Variants in BLM observed in about 807,000 individuals in gnomAD.
BLM encodes the protein BLM RecQ like helicase, also known as recQ-like DNA helicase BLM.
In BLM, 95 loss-of-function variants were observed where a neutral mutation model predicts 135.3. The observed-to-expected ratio is 0.70, with a 90% CI of 0.59 to 0.83. The LOEUF is 0.83. Ranked by LOEUF, BLM falls within the 40% of genes least tolerant of loss-of-function variation. BLM has a pLI of 0.00. For missense variants in BLM, 1,518 were observed against 1,663.9 expected (o/e 0.91, Z 1.53); for synonymous variants, 520 against 589.2 (o/e 0.88, Z 1.70).
chr15:90,786,943 G>A (rs1215567252), intron 14 of BLM, among the ~76,000 whole-genome samples: 1 of 146,888 alleles, frequency 6.8e-6, no homozygotes, highest in African/African-American at 2.5e-5. Context: ...CATTTCCCTA[G>A]TAACTAACAA....
intron 1 of BLM, among the ~76,000 whole-genome samples, chr15:90,727,277 G>A (rs1894943856): frequency 6.6e-6 from 1 of 152,022 alleles, no homozygotes; most frequent in Admixed American, 6.6e-5. Context: ...GCCTCCTAAA[G>A]TGCTAGGATT....
intron 12 of BLM, among the ~76,000 whole-genome samples, chr15:90,776,821 T>A (rs1255164224): frequency 1.3e-5 from 2 of 151,848 alleles, no homozygotes; most frequent in East Asian, 3.9e-4. Flanking sequence ...ATTACAGGCG[T>A]GAGCCACCAT....
intron 12 of BLM, 79 bp from the exon 13 acceptor site, chr15:90,782,739 AGGGG>A (rs1896647598): frequency 9.5e-7 from 1 of 1,054,062 alleles, no homozygotes; most frequent in East Asian, 2.5e-5. Context: ...TTAGGATTTT[AGGGG>A]GGACACATGT....
At chr15:90,758,346 G>A (rs987145736) in intron 5 of BLM, among the ~76,000 whole-genome samples, 1 of 152,166 alleles carries the variant, frequency 6.6e-6, no homozygotes, top group Non-Finnish European at 1.5e-5. Context: ...AAAAAGCCGA[G>A]CGTGGTAGCG....
At chr15:90,786,855 C>T (rs1171085191) in intron 14 of BLM, among the ~76,000 whole-genome samples, 8 of 151,836 alleles carry the variant, frequency 5.3e-5, no homozygotes, top group African/African-American at 2.4e-5. Flanking sequence ...CCTCATGATC[C>T]GCCCACCTCA....
At chr15:90,813,439 G>T (rs1211537059) in intron 21 of BLM, among the ~76,000 whole-genome samples, 3 of 152,158 alleles carry the variant, frequency 2.0e-5, no homozygotes, top group Admixed American at 2.0e-4. Flanking sequence ...TGTCACCCAG[G>T]CTGGAGTGCA....
chr15:90,759,754 G>T (rs542037645), intron 5 of BLM, among the ~76,000 whole-genome samples: 1 of 151,606 alleles, frequency 6.6e-6, no homozygotes, highest in African/African-American at 2.4e-5. Context: ...TTACAGACAC[G>T]CACCACCATG....
intron 8 of BLM, among the ~76,000 whole-genome samples, chr15:90,764,535 G>C (rs1321322914): frequency 6.6e-6 from 1 of 151,778 alleles, no homozygotes; most frequent in African/African-American, 2.4e-5. Flanking sequence ...TTTTTGTAGA[G>C]ATGGGATCTC....
rs772671554 is a variant in BLM, at chr15:90,790,839, T to G, written c.3014T>G (p.Ile1005Arg). 1.2e-6 allele frequency: 2 copies of G among 1,613,438 alleles called. No homozygotes were observed. The highest frequency in any genetic ancestry group is 2.2e-5 in the South Asian group (2 of 91,066). Residue 1005 changes from isoleucine (I) to arginine (R), a missense_variant, in exon 15 of 22, where the codon ATA becomes AGA. Physicochemically the swap from Ile to Arg is moderately conservative, Grantham distance 97 (BLOSUM62 -3). Around this residue, in one of 5 missense-constraint regions of BLM, gnomAD observed 626 missense variants for 681.1 expected, o/e 0.92. Coordinates refer to ENST00000355112, the MANE Select transcript of BLM (RefSeq NM_000057.4). ...GATGTGACCAGACTGAAAAGACTTA[T>G]AATGAGTAAGCTGGGCTCCATTGTA... Reference protein sequence around the residue: ...YHDVTRLKRLIMMEKDGNHHT... With the variant: ...YHDVTRLKRLRMMEKDGNHHT...
intron 1 of BLM, among the ~76,000 whole-genome samples, chr15:90,745,828 C>T (rs561686060): frequency 1.3e-5 from 2 of 152,302 alleles, no homozygotes; most frequent in African/African-American, 4.8e-5. Flanking sequence ...GTAATCCTAG[C>T]ACTTTGGCAG....
Position 90,765,577 on chromosome 15 carries a change from A to G in BLM, c.2193+163A>G, listed in dbSNP as rs369013495. Among the ~76,000 whole-genome samples the G allele has an allele frequency of 5.9e-5, 9 of 152,246 alleles. No homozygotes were observed. The East Asian group carries it at 1.5e-3, about 26-fold the overall frequency. On this transcript the variant is annotated intron_variant, in intron 9 of 21. Coordinates refer to ENST00000355112, the MANE Select transcript of BLM (RefSeq NM_000057.4). ...TGAAAATTTGATACAGATAACCTCT[A>G]GTTCAATCTGTTTTTATTCTACAAG...
intron 1 of BLM, among the ~76,000 whole-genome samples, chr15:90,726,683 A>T (rs1233749766): frequency 1.3e-5 from 2 of 152,228 alleles, no homozygotes; most frequent in African/African-American, 4.8e-5. Context: ...GAGTGAGAAC[A>T]TATGGTGTTT....
At chr15:90,731,165 C>G (rs1451790766) in intron 1 of BLM, among the ~76,000 whole-genome samples, 1 of 152,102 alleles carries the variant, frequency 6.6e-6, no homozygotes, top group Non-Finnish European at 1.5e-5. Context: ...GGTCTCAATC[C>G]TGGGCTCAAG....
rs1456886117 is a variant in BLM at position 90,801,793 on chromosome 15, T to C, written c.3359-1728T>C. Among the ~76,000 whole-genome samples, 5 of 152,172 alleles carry C rather than the reference T, an allele frequency of 3.3e-5. No homozygotes were observed. In the East Asian group the frequency reaches 9.6e-4, roughly 29 times the overall value. On this transcript the variant is annotated intron_variant, in intron 17 of 21. Coordinates refer to ENST00000355112, the MANE Select transcript of BLM (RefSeq NM_000057.4). ...CTTTCTGTCTGGGTACAGTGGCCCA[T>C]GTCTGTAATTCCAGCACTTTGGGAG...
In BLM at chr15:90,749,898, A is replaced by C; in HGVS notation, c.630A>C (p.Pro210=). 6.2e-7 allele frequency: 1 copy of C among 1,612,568 alleles called. No individual in the cohort carries two copies. Among genetic ancestry groups the C allele is most frequent in the Non-Finnish European group, 8.5e-7 (1 of 1,178,740 alleles). ...ACACAGTAAAGACTGATTTGCCTCCACCCTCCTCTGAAAGCGAGCAAATAG... is the reference window on the plus strand; with the variant it reads ...ACACAGTAAAGACTGATTTGCCTCCCCCCTCCTCTGAAAGCGAGCAAATAG... ...TTNTVKTDLP[P]PSSESEQIDL... Residue 210 remains proline, a synonymous_variant, in exon 3 of 22, where the codon CCA becomes CCC. Coordinates refer to ENST00000355112, the MANE Select transcript of BLM (RefSeq NM_000057.4).
In BLM at chr15:90,733,111, A is replaced by AGAT. The variant is rs905821619; in HGVS notation, c.-4-14276_-4-14274dup. Among the ~76,000 whole-genome samples the AGAT allele has an allele frequency of 1.9e-4, 29 of 152,182 alleles. 1 individual carries two copies. The highest frequency in any genetic ancestry group is 6.5e-4 in the African/African-American group (27 of 41,440). On this transcript the variant is annotated intron_variant, in intron 1 of 21. Transcript: ENST00000355112. ...ATGTCTCAAAAAAATTAAAAAAAAA[A>AGAT]GATGTGTATCTTGAATTGTTTAATG... is the stretch of plus-strand genomic sequence containing the variant.
intron 14 of BLM, among the ~76,000 whole-genome samples, chr15:90,786,313 A>C (rs1896748618): frequency 6.6e-6 from 1 of 152,136 alleles, no homozygotes; most frequent in South Asian, 2.1e-4. Context: ...GCTACTATGA[A>C]TAATGGCTTT....
At chr15:90,757,918 G>C (rs1281894533) in intron 5 of BLM, among the ~76,000 whole-genome samples, 1 of 136,126 alleles carries the variant, frequency 7.3e-6, no homozygotes, top group African/African-American at 2.8e-5. Flanking sequence ...TTCTCGCTCT[G>C]TCACCCAGGC....
At position 90,809,152 on chromosome 15, in the gene BLM, A is replaced by T. The variant is rs2151198274; in HGVS notation, c.3767A>T (p.Asp1256Val). ...LKKLAESLSSDPEVLLQIDGV... is the reference protein window; with the variant it reads ...LKKLAESLSSVPEVLLQIDGV... ...CTTTGCACAGAATCTTTATCTTCTGATCCTGAGGTTTTGCTTCAAATTGAT... is the reference window on the plus strand; with the variant it reads ...CTTTGCACAGAATCTTTATCTTCTGTTCCTGAGGTTTTGCTTCAAATTGAT... Residue 1256 changes from aspartate to valine, a missense_variant, in exon 20 of 22, where the codon GAT (aspartate) becomes GTT (valine). Asp to Val is a radical substitution (Grantham distance 152). Transcript: ENST00000355112. The T allele has an allele frequency of 6.2e-7, 1 of 1,614,176 alleles. No homozygotes were observed. The highest frequency in any genetic ancestry group is 8.5e-7 in the Non-Finnish European group (1 of 1,180,014).
Sources: allele counts gnomAD v4.1 joint callset (sites outside exome capture counted in the v4.1 genomes callset), GRCh38; gene constraint gnomAD v4.1.1; regional missense constraint gnomAD v4.1.1; transcripts MANE v1.5; gene names NCBI Gene and HGNC (gene_info 2026-07-23, HGNC 2026-07-21).